Variants in HERC5 observed in about 807,000 individuals in gnomAD.
The protein encoded by HERC5 is E3 ISG15--protein ligase HERC5.
A neutral mutation model predicts 119.6 loss-of-function variants in HERC5; 99 were observed. The observed-to-expected ratio is 0.83, with a 90% confidence interval of 0.70 to 0.98. The LOEUF (loss-of-function observed/expected upper bound fraction) is 0.98. Ranked by LOEUF, HERC5 falls within the 50% of genes least tolerant of loss-of-function variation. HERC5 has a pLI of 0.00. For synonymous variants in HERC5, 478 were observed against 445.9 expected, an observed-to-expected ratio of 1.07 and a Z score of -0.91; for missense variants, 1,267 against 1,241.3, an observed-to-expected ratio of 1.02 and a Z score of -0.31.
intron 1 of HERC5, 120 bp downstream of exon 1, chr4:88,457,654 C>A: frequency 9.3e-7 from 1 of 1,071,282 alleles, no homozygotes; most frequent in Non-Finnish European, 1.2e-6. Context: ...GCCGCAGACG[C>A]GCGCCTGGCT....
At chr4:88,489,513 A>G (rs975650415) in intron 16 of HERC5, among the ~76,000 whole-genome samples, 177 bp downstream of exon 16, 1 of 151,994 alleles carries the variant, frequency 6.6e-6, no homozygotes, top group Non-Finnish European at 1.5e-5. Context: ...GTGGGCACTC[A>G]CTCAGTATGT....
At chr4:88,502,500 G>A (rs1264310678) in intron 20 of HERC5, among the ~76,000 whole-genome samples, 1 of 152,138 alleles carries the variant, frequency 6.6e-6, no homozygotes, top group East Asian at 1.9e-4. Flanking sequence ...AGCATGCGTG[G>A]GGAAATTTAA....
At chr4:88,465,722 A>G (rs985578385) in intron 6 of HERC5, among the ~76,000 whole-genome samples, 2 of 152,218 alleles carry the variant, frequency 1.3e-5, no homozygotes, top group Non-Finnish European at 2.9e-5. Flanking sequence ...ATTCACTGGA[A>G]AGACTCACGA....
intron 13 of HERC5, among the ~76,000 whole-genome samples, chr4:88,482,237 G>C (rs1457569371): frequency 2.0e-5 from 3 of 151,662 alleles, no homozygotes; most frequent in Non-Finnish European, 4.4e-5. Flanking sequence ...TTGAATCCAG[G>C]AGGCAGAGGT....
intron 18 of HERC5, among the ~76,000 whole-genome samples, chr4:88,498,507 T>G (rs1341162063): frequency 2.0e-5 from 3 of 152,216 alleles, no homozygotes; most frequent in Non-Finnish European, 4.4e-5. Context: ...ACCCCTTTCT[T>G]ATTTCTGTTA....
intron 22 of HERC5, among the ~76,000 whole-genome samples, chr4:88,505,047 T>C (rs1742065685): frequency 6.6e-6 from 1 of 152,162 alleles, no homozygotes. Context: ...ATTTATCTTC[T>C]ATTTTTATTT....
chr4:88,459,343 G>C lies in HERC5; in HGVS notation c.266-4G>C, dbSNP rs1405519077. The C allele has an allele frequency of 5.7e-6, 9 of 1,580,262 alleles. No individual in the cohort carries two copies. In the East Asian group the frequency reaches 1.1e-4, roughly 20 times the overall value. ...AATAGTTCCTGGTTGGATTTGCTCT[G>C]TAGAATGCATTAAATTAGGAAAAAA... On this transcript the variant is annotated splice_polypyrimidine_tract_variant and splice_region_variant and intron_variant, in intron 1 of 22. Coordinates refer to ENST00000264350, the MANE Select transcript of HERC5 (RefSeq NM_016323.4).
chr4:88,499,098 T>C (rs1403739657), intron 18 of HERC5, among the ~76,000 whole-genome samples: 1 of 152,202 alleles, frequency 6.6e-6, no homozygotes, highest in African/African-American at 2.4e-5. Context: ...CAGAAAAATT[T>C]AACTGTGCTC....
chr4:88,472,056 C>T (rs1005851703), intron 10 of HERC5, among the ~76,000 whole-genome samples: 4 of 150,782 alleles, frequency 2.7e-5, no homozygotes, highest in African/African-American at 9.8e-5. Flanking sequence ...AGTACAGTGG[C>T]ATGTTCACAA....
At chr4:88,470,738 A>C in intron 10 of HERC5, 65 bp downstream of exon 10, 1 of 740,236 alleles carries the variant, frequency 1.4e-6, no homozygotes, top group Admixed American at 2.7e-5. Flanking sequence ...AGGATAAAAA[A>C]ATGATTGGAG....
intron 1 of HERC5, 35 bp downstream of exon 1, chr4:88,457,569 T>TGTGAGGG (rs755344537): frequency 2.0e-4 from 254 of 1,241,372 alleles, no homozygotes; most frequent in Non-Finnish European, 2.0e-4. Context: ...CTGTGAGGGC[T>TGTGAGGG]GTGAGGGGTG....
intron 5 of HERC5, 48 bp downstream of exon 5, chr4:88,463,671 T>C: frequency 6.6e-7 from 1 of 1,522,290 alleles, no homozygotes. Flanking sequence ...GAAGAACAGT[T>C]TGTATGGGAA....
chr4:88,496,791 A>G, intron 18 of HERC5, among the ~76,000 whole-genome samples: 1 of 152,232 alleles, frequency 6.6e-6, no homozygotes, highest in East Asian at 1.9e-4. Context: ...ATAAGATTAA[A>G]GAACTTCTTT....
At chr4:88,477,826 CATG>C (rs1346219853) in intron 12 of HERC5, among the ~76,000 whole-genome samples, 2 of 152,120 alleles carry the variant, frequency 1.3e-5, no homozygotes, top group Non-Finnish European at 2.9e-5. Flanking sequence ...ATCTGGATAA[CATG>C]ATAAGTGATG....
In HERC5 at chr4:88,462,356, A is replaced by G. The variant is rs1202775843; in HGVS notation, c.688A>G (p.Ser230Gly). 6.2e-7 allele frequency: 1 copy of G among 1,610,384 alleles called. No individual in the cohort carries two copies. Among genetic ancestry groups the G allele is most frequent in the African/African-American group, 1.3e-5 (1 of 75,002 alleles). ...CGQLGLGHTESKDDPSLIEGL... is the reference protein window; with the variant it reads ...CGQLGLGHTEGKDDPSLIEGL... ...ACAACTAGGCCTGGGCCACACTGAG[A>G]GTATGGAACACATTCTCAGATTCCT... is the stretch of plus-strand genomic sequence containing the variant. Residue 230 changes from serine (S) to glycine (G), a missense_variant and splice_region_variant, in exon 4 of 23, where the codon AGT becomes GGT. Transcript: ENST00000264350.
At chr4:88,489,092 C>T (rs1284079220) in intron 15 of HERC5, 74 bp from the exon 16 acceptor site, 6 of 1,295,346 alleles carry the variant, frequency 4.6e-6, no homozygotes, top group Non-Finnish European at 4.3e-6. Context: ...CCAGTTTATT[C>T]TGCTTTCCAA....
chr4:88,500,974 C>T lies in HERC5; in HGVS notation c.2571C>T (p.Asn857=). 6.2e-7 allele frequency: 1 copy of T among 1,609,112 alleles called. No individual in the cohort carries two copies. Among genetic ancestry groups the T allele is most frequent in the East Asian group, 2.2e-5 (1 of 44,640 alleles). Reference sequence around the variant, plus strand: ...CTAATGGAAGTAGCATAACTGTCAACCAGACTAACAAGTAGGTACAAAAAA... The same window carrying T: ...CTAATGGAAGTAGCATAACTGTCAATCAGACTAACAAGTAGGTACAAAAAA... ...LIPNGSSITV[N]QTNKRDYVSK... Residue 857 remains asparagine (N), a synonymous_variant, in exon 20 of 23, where the codon AAC becomes AAT. Coordinates refer to ENST00000264350, the MANE Select transcript of HERC5 (RefSeq NM_016323.4).
At chr4:88,484,007 C>T (rs1741374591) in intron 13 of HERC5, among the ~76,000 whole-genome samples, 1 of 152,060 alleles carries the variant, frequency 6.6e-6, no homozygotes, top group African/African-American at 2.4e-5. Flanking sequence ...GTCATATTTT[C>T]CGTCTCATTG....
chr4:88,495,366 C>T (rs1378029602), intron 18 of HERC5, among the ~76,000 whole-genome samples: 1 of 151,994 alleles, frequency 6.6e-6, no homozygotes, highest in Non-Finnish European at 1.5e-5. Context: ...CTGACCAACA[C>T]GGCGAGACCT....
Sources: gnomAD v4.1 joint callset for allele counts (sites outside exome capture counted in the v4.1 genomes callset) on GRCh38, gnomAD v4.1.1 for gene constraint, MANE v1.5 for transcripts, NCBI Gene and HGNC (gene_info 2026-07-23, HGNC 2026-07-21) for gene names.